Variants in TESPA1 observed in about 807,000 individuals in gnomAD.
TESPA1 encodes thymocyte expressed, positive selection associated 1.
In TESPA1, 33 loss-of-function variants were observed where a neutral mutation model predicts 57.9. The observed-to-expected ratio is 0.57, with a 90% CI of 0.43 to 0.76. The LOEUF (loss-of-function observed/expected upper bound fraction) is 0.76. Among genes scored for constraint, TESPA1 ranks in the 30% least tolerant of loss-of-function variants. TESPA1 has a pLI of 0.00. For synonymous variants in TESPA1, 227 were observed against 228.9 expected (o/e 0.99, Z 0.07); for missense variants, 618 against 632.9 (o/e 0.98, Z 0.25).
chr12:54,954,590 T>A (rs1456455228), intron 10 of TESPA1, among the ~76,000 whole-genome samples: 1 of 152,208 alleles, frequency 6.6e-6, no homozygotes, highest in African/African-American at 2.4e-5. Context: ...CTTTTGAGGA[T>A]GTGCAGAGAA....
chr12:54,958,657 T>G (rs1032985927), intron 10 of TESPA1, among the ~76,000 whole-genome samples: 1 of 152,190 alleles, frequency 6.6e-6, no homozygotes, highest in Non-Finnish European at 1.5e-5. Context: ...TATGCATATG[T>G]TACACCTTTT....
intron 8 of TESPA1, 101 bp from the exon 9 acceptor site, chr12:54,963,343 A>G (rs1951208468): frequency 1.7e-6 from 2 of 1,186,948 alleles, no homozygotes; most frequent in African/African-American, 3.1e-5. Flanking sequence ...TTCAGGGAGA[A>G]GCTTCCAATT....
chr12:54,961,176 T>A lies in TESPA1; in HGVS notation c.1559A>T (p.Asp520Val), dbSNP rs1459203489. 1 of 1,612,976 alleles carries A rather than the reference T, an allele frequency of 6.2e-7. No individual in the cohort carries two copies. Among genetic ancestry groups the A allele is most frequent in the Admixed American group, 1.7e-5 (1 of 59,934 alleles). ...GAGAGAGGCCCACTTACTTCACGAGTCTTTGCCAGCAAAAGTCTGGTGGTG... is the reference window on the plus strand; with the variant it reads ...GAGAGAGGCCCACTTACTTCACGAGACTTTGCCAGCAAAAGTCTGGTGGTG... ...PHHHQTFAGK[D>V]S Residue 520 changes from aspartate (D) to valine (V), a missense_variant, in exon 10 of 11, where the codon GAC becomes GTC. Transcript: ENST00000449076.
At chr12:54,979,238 CA>C (rs1264150312) in intron 1 of TESPA1, among the ~76,000 whole-genome samples, 1 of 152,150 alleles carries the variant, frequency 6.6e-6, no homozygotes, top group Non-Finnish European at 1.5e-5. Context: ...TCTTTCATTT[CA>C]AGTTTTTATT....
chr12:54,984,399 C>G (rs924311296), intron 1 of TESPA1, among the ~76,000 whole-genome samples, 186 bp downstream of exon 1: 1 of 152,182 alleles, frequency 6.6e-6, no homozygotes, highest in Non-Finnish European at 1.5e-5. Context: ...AGCAAAAGGG[C>G]ACCCAGCATC....
chr12:54,969,039 A>G (rs1367029166), intron 3 of TESPA1, among the ~76,000 whole-genome samples: 1 of 121,042 alleles, frequency 8.3e-6, no homozygotes, highest in Non-Finnish European at 1.6e-5. Context: ...ATATATATAT[A>G]TATATATGTG....
intron 2 of TESPA1, 63 bp from the exon 3 acceptor site, chr12:54,973,582 C>G (rs1457197446): frequency 2.5e-6 from 4 of 1,612,714 alleles, no homozygotes; most frequent in Non-Finnish European, 3.4e-6. Flanking sequence ...CTCCCTGCAA[C>G]TAATTCCATT....
intron 10 of TESPA1, among the ~76,000 whole-genome samples, chr12:54,953,521 A>G (rs992433386): frequency 4.1e-5 from 5 of 121,600 alleles, no homozygotes; most frequent in African/African-American, 1.3e-4. Context: ...TTTTTTATTT[A>G]CTTTTTTTTT....
At chr12:54,961,308 G>T (rs1192020277) in intron 9 of TESPA1, 41 bp from the exon 10 acceptor site, 1 of 1,611,292 alleles carries the variant, frequency 6.2e-7, no homozygotes, top group Non-Finnish European at 8.5e-7. Context: ...GAGCCAAGGG[G>T]GAAAGGGGGT....
Position 54,963,286 on chromosome 12 carries a change from A to G in TESPA1, c.656-44T>C, listed in dbSNP as rs144685582. 3.5e-3 allele frequency: 5,366 copies of G among 1,525,778 alleles called. 45 individuals carry two copies. The highest frequency in any genetic ancestry group is 0.031 in the East Asian group (1,272 of 41,640). 94.5% of individuals were successfully genotyped at this position (1,525,778 alleles called of 1,614,324 possible). A position where few individuals can be genotyped will look rare whatever the true frequency, so the allele number is the denominator to read the frequency against. Reference sequence around the variant, plus strand: ...GATGGTAAGTCTGGGGTTCATCAGCAAATCTTCTTAAATCTCTCCCTTCAG... The same window carrying G: ...GATGGTAAGTCTGGGGTTCATCAGCGAATCTTCTTAAATCTCTCCCTTCAG... On this transcript the variant is annotated intron_variant, in intron 8 of 10. Transcript: ENST00000449076.
At chr12:54,952,381 C>G (rs994573037) in intron 10 of TESPA1, among the ~76,000 whole-genome samples, 1 of 152,198 alleles carries the variant, frequency 6.6e-6, no homozygotes, top group African/African-American at 2.4e-5. Context: ...TTTAGAAGTA[C>G]CTTACACTCA....
chr12:54,961,249 C>T lies in TESPA1; in HGVS notation c.1486G>A (p.Glu496Lys), dbSNP rs997173. Residue 496 changes from glutamate to lysine, a missense_variant, in exon 10 of 11, where the codon GAG becomes AAG. Glu to Lys is a moderately conservative substitution (Grantham distance 56). Transcript: ENST00000449076. The stretch of plus-strand genomic sequence containing the variant: ...GGCCAGCGACTCTGACTCTGCTCCT[C>T]CTCACTGTTGCTTTGCACCTGTAAC... ...DLEEVQSNSE[E>K]EQSQSRWPSR... 0.11 allele frequency: 184,303 copies of T among 1,613,776 alleles called. 25,585 individuals carry two copies. Among genetic ancestry groups the T allele is most frequent in the East Asian group, 0.63 (28,230 of 44,834 alleles).
chr12:54,955,868 T>G (rs72648134), intron 10 of TESPA1, among the ~76,000 whole-genome samples: 31,133 of 152,084 alleles, frequency 0.2, 5,410 homozygotes, highest in East Asian at 0.84. Context: ...TCACAATTTC[T>G]TGATGTCCTC....
Position 54,966,035 on chromosome 12 carries a change from C to A in TESPA1, c.446+18G>T, listed in dbSNP as rs1160960099. The A allele has an allele frequency of 1.9e-6, 3 of 1,558,942 alleles. No individual in the cohort carries two copies. The highest frequency in any genetic ancestry group is 2.6e-6 in the Non-Finnish European group (3 of 1,150,490). On this transcript the variant is annotated intron_variant, in intron 7 of 10. Transcript: ENST00000449076. ...TCATCTTCTCCACCCTTCCACCCTG[C>A]CAAACTTCAGTACCTACCTTGAACT...
At chr12:54,975,518 T>A (rs921075030) in intron 1 of TESPA1, among the ~76,000 whole-genome samples, 6 of 152,062 alleles carry the variant, frequency 3.9e-5, no homozygotes, top group African/African-American at 1.4e-4. Flanking sequence ...AATGTAATAT[T>A]CATTGGCTCA....
rs1653249854 is a variant in TESPA1 at position 54,963,365 on chromosome 12, G to C, written c.656-123C>G. On this transcript the variant is annotated intron_variant, in intron 8 of 10. Transcript: ENST00000449076. ...AGAAGCTTCCAATTTTCCTACTAGT[G>C]TTTCTCCCTTTTAGATTTCTAACAC... The C allele has an allele frequency of 5.1e-6, 5 of 975,150 alleles. No homozygotes were observed. The South Asian group carries it at 8.9e-5, about 17-fold the overall frequency. 60.4% of individuals were successfully genotyped at this position (975,150 alleles called of 1,614,324 possible). A position where few individuals can be genotyped will look rare whatever the true frequency, so the allele number is the denominator to read the frequency against.
At chr12:54,957,905 AT>A (rs1950832950) in intron 10 of TESPA1, among the ~76,000 whole-genome samples, 1 of 152,222 alleles carries the variant, frequency 6.6e-6, no homozygotes, top group South Asian at 2.1e-4. Context: ...GCACAACCTA[AT>A]TTCAGAGATG....
At position 54,969,046 on chromosome 12, in the gene TESPA1, T is replaced by TATATATATATATATACAC. The variant is rs71070858; in HGVS notation, c.207-1155_207-1154insGTGTATATATATATATAT. 1.3e-3 allele frequency among the ~76,000 whole-genome samples: 165 copies of TATATATATATATATACAC among 124,422 alleles called. 6 individuals are homozygous for TATATATATATATATACAC. The highest frequency in any genetic ancestry group is 8.5e-3 in the Middle Eastern group (2 of 236). 81.6% of individuals were successfully genotyped at this position (124,422 alleles called of 152,430 possible). A position where few individuals can be genotyped will look rare whatever the true frequency, so the allele number is the denominator to read the frequency against. ...GTATATATATATATATATATATATA[T>TATATATATATATATACAC]GTGTGTGTGTAGATAGATAGATATA... On this transcript the variant is annotated intron_variant, in intron 3 of 10. Coordinates refer to ENST00000449076, the MANE Select transcript of TESPA1 (RefSeq NM_001136030.3).
At chr12:54,971,984 A>T (rs958798819) in intron 3 of TESPA1, among the ~76,000 whole-genome samples, 15 of 152,208 alleles carry the variant, frequency 9.9e-5, no homozygotes, top group African/African-American at 3.6e-4. Context: ...GCACATACAC[A>T]TATATCATCT....
Sources: allele counts gnomAD v4.1 joint callset (sites outside exome capture counted in the v4.1 genomes callset), GRCh38; gene constraint gnomAD v4.1.1; transcripts MANE v1.5; gene names NCBI Gene and HGNC (gene_info 2026-07-23, HGNC 2026-07-21).